The following DIS3L2 variants were observed in gnomAD, a reference collection of about 807,000 sequenced individuals.
The protein encoded by DIS3L2 is DIS3 like 3'-5' exoribonuclease 2.
In DIS3L2, 34 loss-of-function variants were observed where a neutral mutation model predicts 97.5. That is an observed-to-expected ratio of 0.35 (90% CI 0.27 to 0.46). DIS3L2 has a LOEUF of 0.46. Among genes scored for constraint, DIS3L2 ranks in the 20% least tolerant of loss-of-function variants. The pLI is 1.00. For missense variants in DIS3L2, 1,038 were observed against 1,146.0 expected (o/e 0.91, Z 1.36); for synonymous variants, 435 against 445.2 (o/e 0.98, Z 0.29).
At chr2:232,240,730 A>G (rs767499049) in intron 11 of DIS3L2, among the ~76,000 whole-genome samples, 2 of 152,198 alleles carry the variant, frequency 1.3e-5, no homozygotes, top group Non-Finnish European at 2.9e-5. Context: ...TAGGCAGCTT[A>G]AGAGAATGCA....
At chr2:232,343,083 G>T (rs903648335) in intron 13 of DIS3L2, 3 of 435,240 alleles carry the variant, frequency 6.9e-6, no homozygotes, top group Admixed American at 3.9e-5. Flanking sequence ...TCCCCTCCAT[G>T]TTCCCCGGCA....
intron 5 of DIS3L2, among the ~76,000 whole-genome samples, chr2:232,078,131 C>T (rs1198544008): frequency 6.6e-6 from 1 of 151,550 alleles, no homozygotes; most frequent in Non-Finnish European, 1.5e-5. Flanking sequence ...GCAACCACCA[C>T]CTCCCGGGTT....
At chr2:231,982,182 A>T (rs1429538795) in intron 1 of DIS3L2, among the ~76,000 whole-genome samples, 1 of 152,146 alleles carries the variant, frequency 6.6e-6, no homozygotes. Flanking sequence ...TTGAGTGTGT[A>T]ATCTTCAATA....
At chr2:231,964,434 A>G (rs984445751) in intron 1 of DIS3L2, among the ~76,000 whole-genome samples, 4 of 152,094 alleles carry the variant, frequency 2.6e-5, no homozygotes, top group African/African-American at 9.7e-5. Flanking sequence ...CATTGAAGAA[A>G]GTAGGAGCAG....
At chr2:232,238,047 T>C (rs1398342214) in intron 10 of DIS3L2, among the ~76,000 whole-genome samples, 6 of 151,452 alleles carry the variant, frequency 4.0e-5, no homozygotes, top group Non-Finnish European at 7.4e-5. Context: ...CACAGCAAAG[T>C]GTGGAGGGCC....
intron 10 of DIS3L2, among the ~76,000 whole-genome samples, chr2:232,231,523 C>T (rs1692793223): frequency 6.6e-6 from 1 of 152,200 alleles, no homozygotes; most frequent in Admixed American, 6.5e-5. Context: ...TCTAGGGAGA[C>T]ATATTTTGGC....
At chr2:232,300,375 AG>A (rs1483667073) in intron 14 of DIS3L2, among the ~76,000 whole-genome samples, 1 of 152,156 alleles carries the variant, frequency 6.6e-6, no homozygotes, top group Non-Finnish European at 1.5e-5. Flanking sequence ...CCTTCTTTCA[AG>A]GCTGCAGATG....
intron 9 of DIS3L2, among the ~76,000 whole-genome samples, chr2:232,182,284 G>C (rs142012147): frequency 3.3e-5 from 5 of 151,826 alleles, no homozygotes; most frequent in East Asian, 1.9e-4. Context: ...ATTCTATTTT[G>C]GTCAGAGAAC....
intron 10 of DIS3L2, among the ~76,000 whole-genome samples, chr2:232,235,164 C>G (rs1692898417): frequency 6.6e-6 from 1 of 152,250 alleles, no homozygotes; most frequent in Admixed American, 6.5e-5. Context: ...TCCTTCCTCT[C>G]TCTGCTCTAA....
At position 232,135,288 on chromosome 2, in the gene DIS3L2, C is replaced by T. The variant is rs114748886; in HGVS notation, c.703-1184C>T. On this transcript the variant is annotated intron_variant, in intron 7 of 20. Coordinates refer to ENST00000325385, the MANE Select transcript of DIS3L2 (RefSeq NM_152383.5). ...AATAATAAGATGGGGACCACCTGAA[C>T]CAGAAGAGGGTGCACATACATGCAT... 2.8e-3 allele frequency among the ~76,000 whole-genome samples: 430 copies of T among 152,082 alleles called. 1 individual carries two copies. Among genetic ancestry groups the T allele is most frequent in the Non-Finnish European group, 4.7e-3 (318 of 67,992 alleles).
At chr2:231,974,047 A>T (rs138294958) in intron 1 of DIS3L2, among the ~76,000 whole-genome samples, 68 of 152,026 alleles carry the variant, frequency 4.5e-4, no homozygotes, top group African/African-American at 7.2e-4. Flanking sequence ...CAGTTAAAAA[A>T]ATATATATAT....
chr2:232,068,486 G>A (rs1248761989), intron 5 of DIS3L2, among the ~76,000 whole-genome samples: 2 of 151,804 alleles, frequency 1.3e-5, no homozygotes, highest in Admixed American at 6.6e-5. Flanking sequence ...GGAAGCTGAG[G>A]CGGGAGGATC....
chr2:232,016,010 A>T, intron 3 of DIS3L2: 3 of 179,254 alleles, frequency 1.7e-5, no homozygotes, highest in Non-Finnish European at 3.6e-5. Context: ...GTAAGTGAAG[A>T]TAAGAGAGAG....
chr2:232,243,276 G>A (rs1693156187), intron 11 of DIS3L2, among the ~76,000 whole-genome samples: 1 of 152,188 alleles, frequency 6.6e-6, no homozygotes, highest in African/African-American at 2.4e-5. Context: ...TCAAGGAGCA[G>A]TATGCAGTTT....
intron 14 of DIS3L2, among the ~76,000 whole-genome samples, chr2:232,316,509 G>A (rs1321414808): frequency 3.3e-5 from 5 of 152,128 alleles, no homozygotes; most frequent in African/African-American, 1.2e-4. Context: ...GCCACTCCAA[G>A]CATGAGGCTT....
chr2:232,073,289 T>C (rs1696088622), intron 5 of DIS3L2, among the ~76,000 whole-genome samples: 1 of 152,188 alleles, frequency 6.6e-6, no homozygotes, highest in African/African-American at 2.4e-5. Flanking sequence ...AGCTCTTTGC[T>C]GGACTTCCTG....
In DIS3L2 at chr2:232,333,896, C is replaced by T. The variant is rs186340144; in HGVS notation, c.2067C>T (p.Tyr689=). Residue 689 remains tyrosine, a synonymous_variant, in exon 17 of 21, where the codon TAC becomes TAT. Transcript: ENST00000325385. ...LLQDPAQFRH[Y]ALNVPLYTHF... ...AGGACCCAGCGCAGTTCCGGCACTA[C>T]GCGCTCAATGTGCCCCTGTACACAC... 6.6e-5 allele frequency: 106 copies of T among 1,612,922 alleles called. No homozygotes were observed. In the Middle Eastern group the frequency reaches 1.2e-3, roughly 18 times the overall value.
intron 5 of DIS3L2, among the ~76,000 whole-genome samples, chr2:232,085,115 T>C (rs1247429946): frequency 2.6e-5 from 4 of 152,208 alleles, no homozygotes; most frequent in Non-Finnish European, 5.9e-5. Context: ...ATGGTGAAAC[T>C]GCTAGAGCTC....
intron 10 of DIS3L2, among the ~76,000 whole-genome samples, chr2:232,234,106 A>G (rs944505843): frequency 3.3e-5 from 5 of 152,168 alleles, no homozygotes; most frequent in Admixed American, 3.3e-4. Flanking sequence ...AGTTGCAGTG[A>G]CAGTTTATGG....
Sources: allele counts gnomAD v4.1 joint callset (sites outside exome capture counted in the v4.1 genomes callset), GRCh38; gene constraint gnomAD v4.1.1; transcripts MANE v1.5; gene names NCBI Gene and HGNC (gene_info 2026-07-23, HGNC 2026-07-21).